TBC1D22A: variants seen among roughly 807,000 people sequenced by gnomAD.
TBC1D22A encodes putative GTPase activator.
In TBC1D22A, 38 loss-of-function variants were observed where a neutral mutation model predicts 60.2. The observed-to-expected ratio is 0.63, with a 90% CI of 0.49 to 0.83. TBC1D22A has a LOEUF of 0.83. Among genes scored for constraint, TBC1D22A ranks in the 40% least tolerant of loss-of-function variants. The pLI is 0.00. For missense variants in TBC1D22A, 628 were observed against 701.0 expected, an observed-to-expected ratio of 0.90 and a Z score of 1.18; for synonymous variants, 302 against 281.7, an observed-to-expected ratio of 1.07 and a Z score of -0.72.
At chr22:47,111,672 A>C in intron 12 of TBC1D22A, 69 bp downstream of exon 12, 2 of 1,404,634 alleles carry the variant, frequency 1.4e-6, no homozygotes, top group East Asian at 2.3e-5. Flanking sequence ...ATTACATTTT[A>C]GTTCACAGGG....
intron 8 of TBC1D22A, among the ~76,000 whole-genome samples, chr22:46,919,049 A>C (rs550822556): frequency 6.8e-4 from 104 of 152,304 alleles, no homozygotes; most frequent in Middle Eastern, 6.8e-3. Context: ...TAAAGTTGAA[A>C]GATTTTTAGA....
chr22:47,053,014 A>C (rs1473558625), intron 11 of TBC1D22A, among the ~76,000 whole-genome samples: 1 of 151,958 alleles, frequency 6.6e-6, no homozygotes, highest in Non-Finnish European at 1.5e-5. Context: ...CCTCTTCTTT[A>C]CCTGTGTGGT....
chr22:46,854,097 TG>T (rs1346470069), intron 4 of TBC1D22A, among the ~76,000 whole-genome samples: 2 of 152,222 alleles, frequency 1.3e-5, no homozygotes, highest in East Asian at 3.8e-4. Flanking sequence ...CGCTCTTCCT[TG>T]GTTGGGACTC....
chr22:46,930,906 T>G (rs1044845119), intron 8 of TBC1D22A, among the ~76,000 whole-genome samples: 8 of 152,172 alleles, frequency 5.3e-5, no homozygotes, highest in African/African-American at 1.9e-4. Context: ...TAAGCTAAAT[T>G]TACAGTTTGA....
intron 12 of TBC1D22A, among the ~76,000 whole-genome samples, chr22:47,134,779 C>T (rs1048220055): frequency 2.6e-5 from 4 of 152,168 alleles, no homozygotes; most frequent in Admixed American, 1.3e-4. Flanking sequence ...CTGCTCATGT[C>T]CTGGGTTTCT....
At chr22:47,030,044 A>G (rs2062415829) in intron 10 of TBC1D22A, among the ~76,000 whole-genome samples, 2 of 152,224 alleles carry the variant, frequency 1.3e-5, no homozygotes, top group South Asian at 4.1e-4. Flanking sequence ...AACCATGCAA[A>G]TGAGAAAGGA....
chr22:46,872,356 AT>A (rs2067330034), intron 4 of TBC1D22A, among the ~76,000 whole-genome samples: 1 of 152,224 alleles, frequency 6.6e-6, no homozygotes, highest in Non-Finnish European at 1.5e-5. Context: ...CAAAGACATT[AT>A]AAGAAAAGAG....
chr22:46,911,289 G>A lies in TBC1D22A; in HGVS notation c.901-785G>A, dbSNP rs567212024. Among the ~76,000 whole-genome samples the A allele has an allele frequency of 2.4e-3, 364 of 152,248 alleles. 5 individuals are homozygous for A. Among genetic ancestry groups the A allele is most frequent in the Non-Finnish European group, 4.2e-3 (289 of 68,002 alleles). ...GTGCCTGAATGCCTGCTGAGATTTC[G>A]TAAGTGATGGAAGATGTTTAAGTTT... On this transcript the variant is annotated intron_variant, in intron 7 of 12. Transcript: ENST00000337137.
At chr22:47,169,324 G>GTGT in intron 12 of TBC1D22A, among the ~76,000 whole-genome samples, 1 of 152,290 alleles carries the variant, frequency 6.6e-6, no homozygotes, top group South Asian at 2.1e-4. Context: ...GATTCATGAT[G>GTGT]TGTCCGAGAG....
Position 46,779,949 on chromosome 22 carries a change from G to T in TBC1D22A, c.63-12571G>T, listed in dbSNP as rs567519457. On this transcript the variant is annotated intron_variant, in intron 1 of 12. Transcript: ENST00000337137. ...CATGTTTCTGCTGTTGACCCTCGGGGTGGGCACAAGTTTCAGATTATGCTG... is the reference window on the plus strand; with the variant it reads ...CATGTTTCTGCTGTTGACCCTCGGGTTGGGCACAAGTTTCAGATTATGCTG... Among the ~76,000 whole-genome samples, 3 of 152,372 alleles carry T rather than the reference G, an allele frequency of 2.0e-5. No individual in the cohort carries two copies. In the South Asian group the frequency reaches 6.2e-4, roughly 32 times the overall value.
chr22:47,117,765 A>G (rs752061902), intron 12 of TBC1D22A, among the ~76,000 whole-genome samples: 2 of 152,218 alleles, frequency 1.3e-5, no homozygotes, highest in Non-Finnish European at 2.9e-5. Context: ...ACTGTATAAA[A>G]CATACAAAGA....
chr22:47,024,813 C>T (rs923152635), intron 10 of TBC1D22A, among the ~76,000 whole-genome samples: 7 of 152,040 alleles, frequency 4.6e-5, no homozygotes, highest in Non-Finnish European at 8.8e-5. Context: ...GCCATGATCA[C>T]GCTGCAGCCT....
chr22:46,944,064 G>C (rs902945754), intron 8 of TBC1D22A, among the ~76,000 whole-genome samples: 3 of 152,156 alleles, frequency 2.0e-5, no homozygotes, highest in Non-Finnish European at 2.9e-5. Context: ...GATATACCTA[G>C]GAGTGGAATT....
At position 46,955,769 on chromosome 22, in the gene TBC1D22A, G is replaced by C. The variant is rs12159046; in HGVS notation, c.1016-18521G>C. Among the ~76,000 whole-genome samples, 1,307 of 152,294 alleles carry C rather than the reference G, an allele frequency of 8.6e-3. 12 individuals are homozygous for C. The highest frequency in any genetic ancestry group is 0.03 in the African/African-American group (1,245 of 41,558). On this transcript the variant is annotated intron_variant, in intron 8 of 12. Transcript: ENST00000337137. ...AGTGCTCTTCAGGTGAGGTGAAGTT[G>C]ACACTCTTCCAGTCTTTTGCTGTGA... is the stretch of plus-strand genomic sequence containing the variant.
At chr22:47,154,286 C>T (rs2067625943) in intron 12 of TBC1D22A, among the ~76,000 whole-genome samples, 1 of 152,200 alleles carries the variant, frequency 6.6e-6, no homozygotes, top group African/African-American at 2.4e-5. Flanking sequence ...CTGGTATGGC[C>T]CTGCCACGCG....
intron 12 of TBC1D22A, among the ~76,000 whole-genome samples, chr22:47,149,362 G>A (rs186516853): frequency 6.6e-6 from 1 of 152,360 alleles, no homozygotes; most frequent in Admixed American, 6.5e-5. Flanking sequence ...TCTAAAAATA[G>A]GAGCTTAATG....
chr22:47,074,221 C>A (rs976203783), intron 11 of TBC1D22A, among the ~76,000 whole-genome samples: 4 of 152,254 alleles, frequency 2.6e-5, no homozygotes, highest in African/African-American at 9.6e-5. Context: ...TAATCCGGAG[C>A]GCCTCCCAGG....
chr22:46,913,549 T>C (rs1602455692), intron 8 of TBC1D22A: 3 of 1,212,044 alleles, frequency 2.5e-6, no homozygotes, highest in Admixed American at 3.1e-5. Flanking sequence ...CTCGGCTCAC[T>C]CCCTAATCAT....
intron 4 of TBC1D22A, among the ~76,000 whole-genome samples, chr22:46,829,605 C>A (rs1274356912): frequency 6.6e-6 from 1 of 152,202 alleles, no homozygotes; most frequent in Non-Finnish European, 1.5e-5. Context: ...AATCTTACTG[C>A]ATAATTTATG....
Sources: gnomAD v4.1 joint callset for allele counts (sites outside exome capture counted in the v4.1 genomes callset) on GRCh38, gnomAD v4.1.1 for gene constraint, MANE v1.5 for transcripts, NCBI Gene and HGNC (gene_info 2026-07-23, HGNC 2026-07-21) for gene names.